CDC123: variants seen among roughly 807,000 people sequenced by gnomAD.
The protein encoded by CDC123 is cell division cycle 123.
A neutral mutation model predicts 54.4 loss-of-function variants in CDC123; 37 were observed. The ratio of observed to expected loss-of-function variants is 0.68; its 90% CI spans 0.52 to 0.89. The LOEUF is 0.89. CDC123 is among the 40% of genes least tolerant of loss of function. CDC123 has a pLI of 0.00. For synonymous variants in CDC123, 144 were observed against 136.8 expected (o/e 1.05, Z -0.37); for missense variants, 361 against 412.1 (o/e 0.88, Z 1.07).
At chr10:12,249,822 A>T in intron 12 of CDC123, 104 bp downstream of exon 12, 1 of 1,384,214 alleles carries the variant, frequency 7.2e-7, no homozygotes, top group Non-Finnish European at 9.6e-7. Context: ...CTAGACTTTG[A>T]TGGTTATGAA....
chr10:12,248,884 C>A (rs548824925), intron 11 of CDC123, among the ~76,000 whole-genome samples: 1 of 151,188 alleles, frequency 6.6e-6, no homozygotes, highest in Non-Finnish European at 1.5e-5. Context: ...CCGAGGCAGG[C>A]AGATCACCTG....
chr10:12,201,651 TTAAGA>T (rs1482373040), intron 2 of CDC123, among the ~76,000 whole-genome samples: 1 of 151,832 alleles, frequency 6.6e-6, no homozygotes, highest in African/African-American at 2.4e-5. Flanking sequence ...GGGAGGACAG[TTAAGA>T]TTAGGGGTGT....
At chr10:12,198,854 A>T (rs1057408536) in intron 2 of CDC123, 78 bp downstream of exon 2, 1 of 787,650 alleles carries the variant, frequency 1.3e-6, no homozygotes, top group Non-Finnish European at 2.2e-6. Context: ...CTTAGGCACC[A>T]TTCTTTCCCT....
Position 12,239,450 on chromosome 10 carries a change from C to T in CDC123, c.717+965C>T, listed in dbSNP as rs376498745. On this transcript the variant is annotated intron_variant, in intron 10 of 12. Transcript: ENST00000281141. ...TATTTTGGCCGGGTGCAGTGGCTCACGCCCGTAATCCCAGCACTTTGGGAG... is the reference window on the plus strand; with the variant it reads ...TATTTTGGCCGGGTGCAGTGGCTCATGCCCGTAATCCCAGCACTTTGGGAG... Among the ~76,000 whole-genome samples, 11 of 152,150 alleles carry T rather than the reference C, an allele frequency of 7.2e-5. No individual in the cohort carries two copies. In the East Asian group the frequency reaches 9.6e-4, roughly 13 times the overall value.
rs781677347 is a variant in CDC123, at chr10:12,249,838, C to T, written c.984+120C>T. The T allele has an allele frequency of 1.4e-4, 175 of 1,282,346 alleles. 1 individual carries two copies. The highest frequency in any genetic ancestry group is 2.1e-5 in the Non-Finnish European group (20 of 961,102). 79.4% of individuals were successfully genotyped at this position (1,282,346 alleles called of 1,614,324 possible). A position where few individuals can be genotyped will look rare whatever the true frequency, so the allele number is the denominator to read the frequency against. Reference sequence around the variant, plus strand: ...TAGACTTTGATGGTTATGAATGGAACCAAGTTACTGAGTTAGAGCATTTTC... The same window carrying T: ...TAGACTTTGATGGTTATGAATGGAATCAAGTTACTGAGTTAGAGCATTTTC... On this transcript the variant is annotated intron_variant, in intron 12 of 12. Coordinates refer to ENST00000281141, the MANE Select transcript of CDC123 (RefSeq NM_006023.3).
At chr10:12,221,460 T>G (rs980384388) in intron 6 of CDC123, among the ~76,000 whole-genome samples, 4 of 152,228 alleles carry the variant, frequency 2.6e-5, no homozygotes, top group Non-Finnish European at 5.9e-5. Flanking sequence ...CTTTTCTGTA[T>G]GTGAACGAGT....
chr10:12,243,976 G>A (rs1461231962), intron 10 of CDC123, among the ~76,000 whole-genome samples: 2 of 152,170 alleles, frequency 1.3e-5, no homozygotes, highest in Non-Finnish European at 2.9e-5. Flanking sequence ...GCCAAATGGA[G>A]GTGAGGAAAC....
intron 10 of CDC123, among the ~76,000 whole-genome samples, chr10:12,241,728 C>G (rs1486967424): frequency 2.0e-5 from 3 of 152,068 alleles, no homozygotes; most frequent in Non-Finnish European, 4.4e-5. Flanking sequence ...TCCCAAAGAT[C>G]CAAAATTTTG....
chr10:12,203,161 C>T (rs192547383), intron 2 of CDC123, among the ~76,000 whole-genome samples: 129 of 152,332 alleles, frequency 8.5e-4, no homozygotes, highest in African/African-American at 2.5e-3. Context: ...TTCAGCTATC[C>T]GGAAGCTCTT....
intron 7 of CDC123, among the ~76,000 whole-genome samples, 198 bp downstream of exon 7, chr10:12,231,194 A>G (rs1564255468): frequency 6.6e-6 from 1 of 152,260 alleles, no homozygotes; most frequent in Non-Finnish European, 1.5e-5. Context: ...AAATACATGT[A>G]TGCAGTATAC....
intron 2 of CDC123, 39 bp downstream of exon 2, chr10:12,198,815 T>A: frequency 9.4e-7 from 1 of 1,060,252 alleles, no homozygotes; most frequent in Admixed American, 2.0e-5. Flanking sequence ...AACTTTATCA[T>A]AAAGAAACAC....
At chr10:12,228,862 G>A (rs551958299) in intron 6 of CDC123, among the ~76,000 whole-genome samples, 1 of 152,258 alleles carries the variant, frequency 6.6e-6, no homozygotes, top group South Asian at 2.1e-4. Flanking sequence ...GAGCCACTGC[G>A]CCTGGCCACG....
At chr10:12,202,360 C>G (rs1442107563) in intron 2 of CDC123, among the ~76,000 whole-genome samples, 1 of 152,132 alleles carries the variant, frequency 6.6e-6, no homozygotes, top group African/African-American at 2.4e-5. Context: ...GGAAAAAATG[C>G]AAACCGTTTT....
chr10:12,210,954 G>A (rs968171175), intron 4 of CDC123, among the ~76,000 whole-genome samples: 2 of 152,028 alleles, frequency 1.3e-5, no homozygotes, highest in African/African-American at 4.8e-5. Flanking sequence ...CACCCGCCTC[G>A]GCCTCCCAAA....
At chr10:12,248,979 C>T (rs556399125) in intron 11 of CDC123, among the ~76,000 whole-genome samples, 2 of 151,680 alleles carry the variant, frequency 1.3e-5, no homozygotes, top group South Asian at 2.1e-4. Flanking sequence ...GACGTGGTGA[C>T]GCGCGCCTGT....
chr10:12,224,201 TA>T lies in CDC123; in HGVS notation c.441-6733del, dbSNP rs570026616. Among the ~76,000 whole-genome samples, 1,249 of 141,102 alleles carry T rather than the reference TA, an allele frequency of 8.9e-3. 6 individuals are homozygous for T. Among genetic ancestry groups the T allele is most frequent in the Non-Finnish European group, 0.013 (854 of 64,402 alleles). The allele number at this position is 141,102 out of a possible 152,430, so 92.6% of individuals were successfully genotyped here. ...CTGCAAATGCCATTATTTTGTTCCT[TA>T]AAAAAAAAAAAAAGACATCTGATTA... On this transcript the variant is annotated intron_variant, in intron 6 of 12. Transcript: ENST00000281141.
intron 9 of CDC123, 122 bp downstream of exon 9, chr10:12,237,388 ATAT>A (rs1835992714): frequency 1.4e-6 from 1 of 712,368 alleles, no homozygotes; most frequent in Non-Finnish European, 2.0e-6. Context: ...GCATTTTACT[ATAT>A]TATTATTTGT....
At chr10:12,215,405 A>T (rs1265729084) in intron 4 of CDC123, among the ~76,000 whole-genome samples, 1 of 151,964 alleles carries the variant, frequency 6.6e-6, no homozygotes, top group Non-Finnish European at 1.5e-5. Context: ...CCACCTGTCT[A>T]TTTTCTCTTG....
At chr10:12,220,925 T>C (rs533502016) in intron 6 of CDC123, among the ~76,000 whole-genome samples, 5 of 151,252 alleles carry the variant, frequency 3.3e-5, no homozygotes, top group African/African-American at 7.3e-5. Flanking sequence ...TGCAGTGAGC[T>C]GAGATCGCGC....
Sources: gnomAD v4.1 joint callset for allele counts (sites outside exome capture counted in the v4.1 genomes callset) on GRCh38, gnomAD v4.1.1 for gene constraint, MANE v1.5 for transcripts, NCBI Gene and HGNC (gene_info 2026-07-23, HGNC 2026-07-21) for gene names.